Variants in ST8SIA4 observed in about 807,000 individuals in gnomAD.
The protein encoded by ST8SIA4 is CMP-N-acetylneuraminate-poly-alpha-2,8-sialyltransferase.
In ST8SIA4, 15 loss-of-function variants were observed where a neutral mutation model predicts 33.9. The observed-to-expected ratio is 0.44, with a 90% CI of 0.30 to 0.68. The LOEUF (loss-of-function observed/expected upper bound fraction) is 0.68, where lower values mean the gene tolerates loss of function less well. Among genes scored for constraint, ST8SIA4 ranks in the 30% least tolerant of loss-of-function variants. The pLI, the probability that ST8SIA4 is intolerant of heterozygous loss-of-function variation, is 0.10. For missense variants in ST8SIA4, 321 were observed against 428.0 expected (o/e 0.75, Z 2.21); for synonymous variants, 171 against 151.2 (o/e 1.13, Z -0.96).
chr5:100,863,017 C>A (rs916282879), intron 3 of ST8SIA4, among the ~76,000 whole-genome samples: 27 of 152,182 alleles, frequency 1.8e-4, no homozygotes, highest in Non-Finnish European at 3.1e-4. Flanking sequence ...CTTCTATCAC[C>A]TTGTTGAACC....
At chr5:100,829,035 A>G (rs886067980) in intron 4 of ST8SIA4, among the ~76,000 whole-genome samples, 2 of 152,254 alleles carry the variant, frequency 1.3e-5, no homozygotes, top group African/African-American at 4.8e-5. Flanking sequence ...GGGAATAGTC[A>G]TTTGTAGGTG....
At chr5:100,819,304 A>C (rs892551700) in intron 4 of ST8SIA4, among the ~76,000 whole-genome samples, 3 of 152,198 alleles carry the variant, frequency 2.0e-5, no homozygotes, top group Non-Finnish European at 4.4e-5. Context: ...ATTTCTGTGG[A>C]AATTCTAAGT....
At chr5:100,897,491 A>G (rs992530373) in intron 1 of ST8SIA4, among the ~76,000 whole-genome samples, 2 of 152,190 alleles carry the variant, frequency 1.3e-5, no homozygotes, top group East Asian at 1.9e-4. Flanking sequence ...TACTTCTTAG[A>G]AAGTCAAAAA....
chr5:100,888,723 C>T (rs918565065), intron 2 of ST8SIA4, among the ~76,000 whole-genome samples: 1 of 151,820 alleles, frequency 6.6e-6, no homozygotes, highest in African/African-American at 2.4e-5. Context: ...GCATGATTAG[C>T]AAAGAAGGGA....
At chr5:100,896,789 A>C (rs924311179) in intron 1 of ST8SIA4, among the ~76,000 whole-genome samples, 1 of 152,172 alleles carries the variant, frequency 6.6e-6, no homozygotes, top group East Asian at 1.9e-4. Flanking sequence ...ATGTTTTGTA[A>C]GTGCTCCTCC....
At chr5:100,870,181 C>CT (rs1752166820) in intron 3 of ST8SIA4, among the ~76,000 whole-genome samples, 1 of 152,096 alleles carries the variant, frequency 6.6e-6, no homozygotes, top group Admixed American at 6.6e-5. Context: ...GGAACTCATC[C>CT]TTTTTTATGG....
At chr5:100,855,781 A>C (rs1440234231) in intron 4 of ST8SIA4, among the ~76,000 whole-genome samples, 2 of 152,142 alleles carry the variant, frequency 1.3e-5, no homozygotes, top group Non-Finnish European at 2.9e-5. Context: ...CTTCTGTTGT[A>C]GTTTCCCTAC....
At position 100,816,268 on chromosome 5, in the gene ST8SIA4, C is replaced by T. The variant is rs138504740; in HGVS notation, c.798-4139G>A. ...TAATAAATGCTTATTGATTTTAAAT[C>T]CTGTAATATTTTAGATTTTATCTCA... On this transcript the variant is annotated intron_variant, in intron 4 of 4. Coordinates refer to ENST00000231461, the MANE Select transcript of ST8SIA4 (RefSeq NM_005668.6). Among the ~76,000 whole-genome samples the T allele has an allele frequency of 3.6e-3, 555 of 152,236 alleles. 2 individuals are homozygous for T. Among genetic ancestry groups the T allele is most frequent in the African/African-American group, 0.013 (530 of 41,542 alleles).
At chr5:100,823,064 G>A (rs1751065241) in intron 4 of ST8SIA4, among the ~76,000 whole-genome samples, 1 of 152,160 alleles carries the variant, frequency 6.6e-6, no homozygotes, top group African/African-American at 2.4e-5. Context: ...CCGGGAGGCA[G>A]AGGTTGCACT....
intron 3 of ST8SIA4, among the ~76,000 whole-genome samples, chr5:100,862,078 T>C (rs1387901040): frequency 6.6e-6 from 1 of 152,210 alleles, no homozygotes; most frequent in Non-Finnish European, 1.5e-5. Flanking sequence ...CCAAACTTTA[T>C]TTATAACACA....
intron 4 of ST8SIA4, among the ~76,000 whole-genome samples, chr5:100,829,333 C>A (rs1751205937): frequency 6.6e-6 from 1 of 152,166 alleles, no homozygotes; most frequent in African/African-American, 2.4e-5. Flanking sequence ...GAAATTTAAA[C>A]TCAAACCTTT....
At chr5:100,854,458 C>T (rs1389225981) in intron 4 of ST8SIA4, among the ~76,000 whole-genome samples, 2 of 152,082 alleles carry the variant, frequency 1.3e-5, no homozygotes, top group African/African-American at 4.8e-5. Context: ...TGGCGGGCAC[C>T]TGTAGTCCCA....
intron 3 of ST8SIA4, chr5:100,885,577 T>C (rs1752518849): frequency 1.1e-6 from 1 of 930,806 alleles, no homozygotes; most frequent in Admixed American, 6.2e-5. Flanking sequence ...TCAATATCCA[T>C]GTTTCTGTCA....
intron 4 of ST8SIA4, among the ~76,000 whole-genome samples, chr5:100,812,781 T>C (rs1381761304): frequency 3.3e-5 from 5 of 152,154 alleles, no homozygotes; most frequent in Non-Finnish European, 5.9e-5. Context: ...TCAATGCTGA[T>C]AAGTACTTTA....
chr5:100,811,811 G>A lies in ST8SIA4; in HGVS notation c.*36C>T, dbSNP rs1475692626. On this transcript the variant is annotated 3_prime_UTR_variant, in exon 5 of 5. Coordinates refer to ENST00000231461, the MANE Select transcript of ST8SIA4 (RefSeq NM_005668.6). ...TTTCAAATCTTCGGAAGCATCTTCA[G>A]AAAAGAAGTGCATATTGTTTGTTTC... 6.4e-7 allele frequency: 1 copy of A among 1,557,620 alleles called. No individual in the cohort carries two copies. The highest frequency in any genetic ancestry group is 8.7e-7 in the Non-Finnish European group (1 of 1,153,752).
intron 4 of ST8SIA4, among the ~76,000 whole-genome samples, chr5:100,843,279 C>A (rs1944936083): frequency 6.6e-6 from 1 of 151,774 alleles, no homozygotes; most frequent in South Asian, 2.1e-4. Flanking sequence ...GCAATATAGA[C>A]CATACTTTCA....
chr5:100,864,574 CAAAAAAAAAAA>C (rs201029430), intron 3 of ST8SIA4, among the ~76,000 whole-genome samples: 8 of 69,382 alleles, frequency 1.2e-4, no homozygotes, highest in East Asian at 5.4e-4. Context: ...GACTCCGGCT[CAAAAAAAAAAA>C]AAAAAAAAAA....
intron 4 of ST8SIA4, among the ~76,000 whole-genome samples, chr5:100,831,151 T>G (rs1009287537): frequency 1.3e-5 from 2 of 152,250 alleles, no homozygotes; most frequent in South Asian, 2.1e-4. Context: ...ATTAACTTTT[T>G]GAATTATTTC....
intron 4 of ST8SIA4, among the ~76,000 whole-genome samples, chr5:100,820,206 T>C (rs1751009144): frequency 6.6e-6 from 1 of 152,148 alleles, no homozygotes; most frequent in African/African-American, 2.4e-5. Flanking sequence ...CAGTATGAAT[T>C]CACAATAAGG....
Sources: allele counts gnomAD v4.1 joint callset (sites outside exome capture counted in the v4.1 genomes callset), GRCh38; gene constraint gnomAD v4.1.1; transcripts MANE v1.5; gene names NCBI Gene and HGNC (gene_info 2026-07-23, HGNC 2026-07-21).